THSD4: variants seen among roughly 807,000 people sequenced by gnomAD.
THSD4 encodes thrombospondin type-1 domain-containing protein 4.
THSD4 carries 69 observed loss-of-function variants against 119.0 expected under a neutral mutation model. The observed-to-expected ratio is 0.58, with a 90% CI of 0.48 to 0.71. THSD4 has a LOEUF of 0.71. THSD4 is among the 30% of genes least tolerant of loss of function. The pLI is 0.00. For synonymous variants in THSD4, 524 were observed against 540.4 expected (o/e 0.97, Z 0.42); for missense variants, 1,393 against 1,391.1 (o/e 1.00, Z -0.02).
At chr15:71,704,249 AAGAT>A (rs1276867850) in intron 8 of THSD4, among the ~76,000 whole-genome samples, 8 of 152,248 alleles carry the variant, frequency 5.3e-5, no homozygotes, top group Non-Finnish European at 1.0e-4. Context: ...GCTAAGTGAC[AAGAT>A]AGCACATTAC....
At chr15:71,658,268 G>T (rs1235385606) in intron 7 of THSD4, among the ~76,000 whole-genome samples, 1 of 152,172 alleles carries the variant, frequency 6.6e-6, no homozygotes, top group Admixed American at 6.5e-5. Context: ...CTCCAGCCTC[G>T]TATTATCCCT....
At chr15:71,472,294 T>A (rs1334939314) in intron 7 of THSD4, among the ~76,000 whole-genome samples, 2 of 152,232 alleles carry the variant, frequency 1.3e-5, no homozygotes. Flanking sequence ...CAAGATTTCA[T>A]GCTTATAAAC....
At chr15:71,369,454 C>T (rs1442564124) in intron 6 of THSD4, among the ~76,000 whole-genome samples, 3 of 152,240 alleles carry the variant, frequency 2.0e-5, no homozygotes, top group East Asian at 1.9e-4. Context: ...GAGATACGTC[C>T]CATCAATACC....
At chr15:71,611,174 CAGTA>C (rs2050217407) in intron 7 of THSD4, among the ~76,000 whole-genome samples, 1 of 152,242 alleles carries the variant, frequency 6.6e-6, no homozygotes, top group South Asian at 2.1e-4. Flanking sequence ...GTTGTGCAAT[CAGTA>C]AGTATGCCAC....
intron 7 of THSD4, among the ~76,000 whole-genome samples, chr15:71,613,526 A>C (rs1024264563): frequency 2.0e-5 from 3 of 152,230 alleles, no homozygotes; most frequent in African/African-American, 7.2e-5. Context: ...GGAGCCACAT[A>C]TATAAAATAA....
Position 71,128,894 on chromosome 15 carries a change from A to G in THSD4, c.-79-12555A>G, listed in dbSNP as rs182844077. Among the ~76,000 whole-genome samples, 29 of 152,360 alleles carry G rather than the reference A, an allele frequency of 1.9e-4. No homozygotes were observed. The East Asian group carries it at 5.2e-3, about 27-fold the overall frequency. On this transcript the variant is annotated intron_variant, in intron 1 of 17. Transcript: ENST00000261862. ...CTATAGACAACCTGGAAGTACACCC[A>G]TCTGATTTTTGACAAAGGTGCATAG...
rs762716009 is a variant in THSD4 at position 71,436,268 on chromosome 15, GACAAA to G, written c.1152+24454_1152+24458del. Among the ~76,000 whole-genome samples the G allele has an allele frequency of 2.5e-3, 387 of 152,118 alleles. 2 individuals are homozygous for G. Among genetic ancestry groups the G allele is most frequent in the Non-Finnish European group, 3.4e-3 (233 of 67,996 alleles). On this transcript the variant is annotated intron_variant, in intron 7 of 17. Coordinates refer to ENST00000261862, the MANE Select transcript of THSD4 (RefSeq NM_024817.3). ...TCTACCCTGTGATACCCTTATTTAT[GACAAA>G]ACAAAACAGGAAGACAAAGACGAAG... is the stretch of plus-strand genomic sequence containing the variant.
chr15:71,270,052 TC>T lies in THSD4; in HGVS notation c.1015+13341del, dbSNP rs529700887. On this transcript the variant is annotated intron_variant, in intron 6 of 17. Coordinates refer to ENST00000261862, the MANE Select transcript of THSD4 (RefSeq NM_024817.3). Reference sequence around the variant, plus strand: ...AAAGTGATTTATAGATTCAATGCTATCCCCATCAAGCTACCACTGACTTTCT... The same window carrying T: ...AAAGTGATTTATAGATTCAATGCTATCCCATCAAGCTACCACTGACTTTCT... Among the ~76,000 whole-genome samples, 352 of 152,200 alleles carry T rather than the reference TC, an allele frequency of 2.3e-3. 1 individual carries two copies. Among genetic ancestry groups the T allele is most frequent in the Non-Finnish European group, 3.6e-3 (245 of 68,014 alleles).
chr15:71,125,082 G>A (rs911321951), intron 1 of THSD4, among the ~76,000 whole-genome samples: 15 of 151,812 alleles, frequency 9.9e-5, no homozygotes, highest in Non-Finnish European at 1.9e-4. Context: ...AGAAAGAGAA[G>A]AGAAGAGGAG....
chr15:71,741,354 A>C (rs562321321), intron 11 of THSD4, among the ~76,000 whole-genome samples: 387 of 152,214 alleles, frequency 2.5e-3, no homozygotes, highest in Non-Finnish European at 4.4e-3. Flanking sequence ...TTATCTGGGC[A>C]TGGTGATGCA....
At chr15:71,548,340 A>G (rs1313809872) in intron 7 of THSD4, among the ~76,000 whole-genome samples, 1 of 152,180 alleles carries the variant, frequency 6.6e-6, no homozygotes, top group Non-Finnish European at 1.5e-5. Flanking sequence ...AGCCAAATGA[A>G]AAGTGTATCT....
intron 7 of THSD4, among the ~76,000 whole-genome samples, chr15:71,599,036 T>C (rs1241495968): frequency 1.3e-5 from 2 of 152,216 alleles, no homozygotes; most frequent in African/African-American, 2.4e-5. Flanking sequence ...CCGACCTTTT[T>C]TCCCCCTCTG....
At chr15:71,396,300 GCA>G (rs142856960) in intron 6 of THSD4, among the ~76,000 whole-genome samples, 17 of 142,694 alleles carry the variant, frequency 1.2e-4, no homozygotes, top group Admixed American at 4.2e-4. Context: ...GCGTACATAT[GCA>G]CACACACACA....
chr15:71,279,231 A>G (rs984815736), intron 6 of THSD4, among the ~76,000 whole-genome samples: 4 of 152,212 alleles, frequency 2.6e-5, no homozygotes, highest in Non-Finnish European at 5.9e-5. Flanking sequence ...TCAGATGTGT[A>G]CAGCTCAAAT....
chr15:71,608,802 A>G (rs2050166071), intron 7 of THSD4, among the ~76,000 whole-genome samples: 2 of 152,228 alleles, frequency 1.3e-5, no homozygotes, highest in African/African-American at 2.4e-5. Flanking sequence ...CTTAATCCTC[A>G]TGATACAATC....
chr15:71,389,570 T>C (rs548189616), intron 6 of THSD4, among the ~76,000 whole-genome samples: 103 of 152,212 alleles, frequency 6.8e-4, no homozygotes, highest in Middle Eastern at 6.8e-3. Context: ...TACCTTTTGG[T>C]TACTGTGAAT....
intron 7 of THSD4, among the ~76,000 whole-genome samples, chr15:71,445,896 T>C (rs146811180): frequency 3.5e-4 from 54 of 152,310 alleles, no homozygotes; most frequent in South Asian, 1.0e-3. Flanking sequence ...ATGGGACAAA[T>C]TTTGCTGAGC....
chr15:71,626,046 A>C (rs1238358625), intron 7 of THSD4, among the ~76,000 whole-genome samples: 1 of 152,214 alleles, frequency 6.6e-6, no homozygotes, highest in Non-Finnish European at 1.5e-5. Context: ...ATTTTTCTAC[A>C]AAGATCTTAT....
intron 15 of THSD4, among the ~76,000 whole-genome samples, chr15:71,763,968 G>C (rs867227327): frequency 7.9e-5 from 12 of 152,146 alleles, no homozygotes; most frequent in African/African-American, 2.2e-4. Context: ...TCTGGAGGCT[G>C]AGGTGGGATG....
Sources: gnomAD v4.1 joint callset for allele counts (sites outside exome capture counted in the v4.1 genomes callset) on GRCh38, gnomAD v4.1.1 for gene constraint, MANE v1.5 for transcripts, NCBI Gene and HGNC (gene_info 2026-07-23, HGNC 2026-07-21) for gene names.